Variants in NAV3 observed in about 807,000 individuals in gnomAD.
NAV3 encodes neuron navigator 3, also known as pore membrane and/or filament interacting like protein 1.
NAV3 carries 87 observed loss-of-function variants against 244.7 expected under a neutral mutation model. That is an observed-to-expected ratio of 0.36 (90% CI 0.30 to 0.42). The LOEUF is 0.42. Ranked by LOEUF, NAV3 falls within the 20% of genes least tolerant of loss-of-function variation. The probability of loss-of-function intolerance (pLI) is 1.00; values close to 1 mark genes in which losing one functional copy is unlikely to be tolerated. For missense variants in NAV3, 2,663 were observed against 2,893.3 expected (o/e 0.92, Z 1.83); for synonymous variants, 1,126 against 1,042.2 (o/e 1.08, Z -1.55).
At chr12:78,014,786 C>G (rs527297077) in intron 8 of NAV3, among the ~76,000 whole-genome samples, 105 of 152,086 alleles carry the variant, frequency 6.9e-4, no homozygotes, top group Non-Finnish European at 1.2e-3. Flanking sequence ...CTTTAACCAT[C>G]ATTCAGGTAA....
chr12:78,107,844 C>G (rs1001992068), intron 12 of NAV3, among the ~76,000 whole-genome samples: 1 of 151,894 alleles, frequency 6.6e-6, no homozygotes, highest in Non-Finnish European at 1.5e-5. Flanking sequence ...AGGGAGGTAT[C>G]AAATGTTACC....
intron 2 of NAV3, among the ~76,000 whole-genome samples, chr12:77,721,139 C>A (rs1304176702): frequency 6.6e-6 from 1 of 152,116 alleles, no homozygotes; most frequent in African/African-American, 2.4e-5. Context: ...TAGGACTATT[C>A]ATTTCACAGC....
intron 12 of NAV3, among the ~76,000 whole-genome samples, chr12:78,092,498 T>C (rs904016694): frequency 1.4e-4 from 19 of 133,652 alleles, no homozygotes; most frequent in African/African-American, 4.2e-4. Context: ...TTTCTTTTTT[T>C]TTTTTTTTTT....
chr12:77,994,651 T>C (rs137993202), intron 5 of NAV3, 152 bp from the exon 6 acceptor site: 354 of 570,868 alleles, frequency 6.2e-4, no homozygotes, highest in African/African-American at 5.6e-3. Context: ...ACATACAACA[T>C]TACCATAATT....
intron 2 of NAV3, among the ~76,000 whole-genome samples, chr12:77,689,417 C>T (rs914046453): frequency 6.6e-6 from 1 of 151,840 alleles, no homozygotes. Flanking sequence ...TCTTTTGATG[C>T]CATATACTAC....
chr12:77,931,115 CACTTG>C (rs1222494497), intron 1 of NAV3, among the ~76,000 whole-genome samples: 1 of 151,088 alleles, frequency 6.6e-6, no homozygotes, highest in Non-Finnish European at 1.5e-5. Flanking sequence ...ATTTTTTTGA[CACTTG>C]ACTTACTGAA....
chr12:77,662,227 GTCTATCTA>G (rs71088326), intron 2 of NAV3, among the ~76,000 whole-genome samples: 39 of 146,052 alleles, frequency 2.7e-4, no homozygotes, highest in South Asian at 6.4e-4. Flanking sequence ...ATATCTATCT[GTCTATCTA>G]TCTATCTATC....
chr12:78,196,026 T>C (rs979779991), intron 34 of NAV3, among the ~76,000 whole-genome samples: 9 of 152,070 alleles, frequency 5.9e-5, no homozygotes, highest in African/African-American at 1.9e-4. Flanking sequence ...GGGCTTGGTC[T>C]AAGGCTATGA....
chr12:77,726,023 G>A (rs995892055), intron 2 of NAV3, among the ~76,000 whole-genome samples: 2 of 151,674 alleles, frequency 1.3e-5, no homozygotes, highest in African/African-American at 4.8e-5. Flanking sequence ...GGGCCTAACC[G>A]GATAATCCAG....
intron 39 of NAV3, among the ~76,000 whole-genome samples, chr12:78,208,471 A>G (rs1020593960): frequency 3.3e-5 from 5 of 152,172 alleles, no homozygotes; most frequent in Admixed American, 1.3e-4. Flanking sequence ...GAGAGGAAAA[A>G]TATTAATACT....
chr12:78,183,228 C>T (rs1298468916), intron 30 of NAV3, among the ~76,000 whole-genome samples: 1 of 151,812 alleles, frequency 6.6e-6, no homozygotes, highest in African/African-American at 2.4e-5. Context: ...GCTGTTTTTC[C>T]TGGAGTTGTT....
chr12:77,954,506 A>G (rs1469904222), intron 3 of NAV3, among the ~76,000 whole-genome samples: 2 of 152,214 alleles, frequency 1.3e-5, no homozygotes, highest in Non-Finnish European at 1.5e-5. Context: ...CTGAGCCTCT[A>G]CTGAATAAGA....
intron 2 of NAV3, among the ~76,000 whole-genome samples, chr12:77,721,344 G>A (rs1397902829): frequency 1.3e-5 from 2 of 151,752 alleles, no homozygotes; most frequent in Non-Finnish European, 2.9e-5. Context: ...ATTTTGACTG[G>A]TTACTACTTT....
intron 2 of NAV3, among the ~76,000 whole-genome samples, chr12:77,723,372 A>T (rs535389652): frequency 1.3e-4 from 19 of 150,884 alleles, no homozygotes; most frequent in East Asian, 7.8e-4. Context: ...TTTTTTTTTT[A>T]AATTTGATTT....
chr12:78,163,893 G>T lies in NAV3; in HGVS notation c.4869+4607G>T, dbSNP rs141051445. Among the ~76,000 whole-genome samples, 308 of 152,072 alleles carry T rather than the reference G, an allele frequency of 2.0e-3. 1 individual carries two copies. Among genetic ancestry groups the T allele is most frequent in the African/African-American group, 7.3e-3 (303 of 41,500 alleles). Reference sequence around the variant, plus strand: ...TTATATGAAAAAAATTAAACCTGATGCCCTGAGGCATCCATTATATGTGCT... The same window carrying T: ...TTATATGAAAAAAATTAAACCTGATTCCCTGAGGCATCCATTATATGTGCT... On this transcript the variant is annotated intron_variant, in intron 23 of 39. Coordinates refer to ENST00000397909, the MANE Select transcript of NAV3 (RefSeq NM_001024383.2).
chr12:77,599,263 A>G (rs1367017980), intron 2 of NAV3, among the ~76,000 whole-genome samples: 4 of 151,980 alleles, frequency 2.6e-5, no homozygotes, highest in East Asian at 3.9e-4. Context: ...TATATTTACT[A>G]TGTATGTGAT....
At chr12:77,747,740 G>C (rs891667724) in intron 2 of NAV3, among the ~76,000 whole-genome samples, 7 of 152,168 alleles carry the variant, frequency 4.6e-5, no homozygotes, top group Non-Finnish European at 7.3e-5. Context: ...GTGGGGACAT[G>C]GATGAAGCTG....
chr12:77,670,722 T>C (rs542144130), intron 2 of NAV3, among the ~76,000 whole-genome samples: 1 of 152,208 alleles, frequency 6.6e-6, no homozygotes, highest in Non-Finnish European at 1.5e-5. Context: ...AAAAAGCATT[T>C]GACAAAATCC....
At chr12:77,874,904 C>G (rs1478607246) in intron 1 of NAV3, among the ~76,000 whole-genome samples, 1 of 151,984 alleles carries the variant, frequency 6.6e-6, no homozygotes, top group Non-Finnish European at 1.5e-5. Flanking sequence ...AAGTTTACAT[C>G]TTTCATGAAA....
Sources: gnomAD v4.1 joint callset for allele counts (sites outside exome capture counted in the v4.1 genomes callset) on GRCh38, gnomAD v4.1.1 for gene constraint, MANE v1.5 for transcripts, NCBI Gene and HGNC (gene_info 2026-07-23, HGNC 2026-07-21) for gene names.